The following OSBPL7 variants were observed in gnomAD, a reference collection of about 807,000 sequenced individuals.
OSBPL7 encodes the protein oxysterol-binding protein-related protein 7.
In OSBPL7, 66 loss-of-function variants were observed where a neutral mutation model predicts 115.8. The observed-to-expected ratio is 0.57, with a 90% confidence interval of 0.47 to 0.70. The LOEUF is 0.70. Ranked by LOEUF, OSBPL7 falls within the 30% of genes least tolerant of loss-of-function variation. The probability of loss-of-function intolerance (pLI) is 0.00; values close to 1 mark genes in which losing one functional copy is unlikely to be tolerated. For synonymous variants in OSBPL7, 441 were observed against 439.2 expected (o/e 1.00, Z -0.05); for missense variants, 902 against 1,125.5 (o/e 0.80, Z 2.84).
At chr17:47,818,903 G>T in intron 5 of OSBPL7, 83 bp downstream of exon 5, 4 of 1,236,056 alleles carry the variant, frequency 3.2e-6, no homozygotes, top group Non-Finnish European at 4.7e-6. Context: ...GAGTTCCACA[G>T]ACCCTCAGCC....
chr17:47,815,410 G>T, intron 12 of OSBPL7, 58 bp from the exon 13 acceptor site: 1 of 1,601,612 alleles, frequency 6.2e-7, no homozygotes. Context: ...GGATCAAGCA[G>T]GGCACCCGCT....
Position 47,816,336 on chromosome 17 carries a change from C to T in OSBPL7, c.1023+52G>A. 2 of 1,487,664 alleles carry T rather than the reference C, an allele frequency of 1.3e-6. No individual in the cohort carries two copies. Among genetic ancestry groups the T allele is most frequent in the Admixed American group, 2.3e-5 (1 of 44,382 alleles). The allele number at this position is 1,487,664 out of a possible 1,614,324, so 92.2% of individuals were successfully genotyped here. A position where few individuals can be genotyped will look rare whatever the true frequency, so the allele number is the denominator to read the frequency against. ...GCTATCGGACCCCAGGCTGGCAGTC[C>T]TCAGCTTGAAGCCCTCTCCCCGCAC... On this transcript the variant is annotated intron_variant, in intron 11 of 22. Transcript: ENST00000007414. The surrounding 1 kb of genome is among the most constrained non-coding windows in gnomAD (Gnocchi z 5.8).
rs779996064 is a variant in OSBPL7 at position 47,816,876 on chromosome 17, G to A, written c.703-4C>T. The A allele has an allele frequency of 2.5e-6, 4 of 1,613,692 alleles. No individual in the cohort carries two copies. The highest frequency in any genetic ancestry group is 1.7e-5 in the Admixed American group (1 of 59,998). ...GTCTTTCGGTTGTCACTGAGGCCTG[G>A]CAAGTCAAGGTGGGGGCAATTTTAC... is the stretch of plus-strand genomic sequence containing the variant. On this transcript the variant is annotated splice_polypyrimidine_tract_variant and splice_region_variant and intron_variant, in intron 8 of 22. Coordinates refer to ENST00000007414, the MANE Select transcript of OSBPL7 (RefSeq NM_145798.3). The surrounding 1 kb of genome is among the most constrained non-coding windows in gnomAD (Gnocchi z 5.8).
At chr17:47,815,194 C>A in intron 13 of OSBPL7, 21 bp downstream of exon 13, 1 of 1,602,164 alleles carries the variant, frequency 6.2e-7, no homozygotes, top group South Asian at 1.1e-5. Flanking sequence ...CGCCTCACTG[C>A]CAGCTTCTCT....
rs2033220955 is a variant in OSBPL7, at chr17:47,816,475, G to C, written c.936C>G (p.Ser312Arg). 6.5e-7 allele frequency: 1 copy of C among 1,545,682 alleles called. No individual in the cohort carries two copies. Among genetic ancestry groups the C allele is most frequent in the Non-Finnish European group, 8.7e-7 (1 of 1,144,534 alleles). The change falls in exon 11 of 23, where the codon AGC (serine) becomes AGG (arginine). Residue 312 changes from serine (S) to arginine (R), a missense_variant. Ser to Arg is a moderately radical substitution (Grantham distance 110). Around this residue, in one of 3 missense-constraint regions of OSBPL7, gnomAD observed 667 missense variants for 788.7 expected, o/e 0.85. Coordinates refer to ENST00000007414, the MANE Select transcript of OSBPL7 (RefSeq NM_145798.3). The surrounding 1 kb of genome is among the most constrained non-coding windows in gnomAD (Gnocchi z 5.8). ...SFWALAQKVH[S>R]SLSSVLAALT... The stretch of plus-strand genomic sequence containing the variant: ...GGGCGGCCAGGACGCTGCTGAGGGA[G>C]CTGTGCACTACAGGGAGTGGGGCAG...
chr17:47,809,168 C>T lies in OSBPL7; in HGVS notation c.2078G>A (p.Arg693Gln), dbSNP rs1476368982. ...GAGTCGGTGGAGGACACGGCCACTC[C>T]GACTGAGCACAGCGCCCTGCACCTC... The part of the protein sequence containing the change: ...VHEVQGAVLS[R>Q]SGRVLHRLFG... Residue 693 changes from arginine (R) to glutamine (Q), a missense_variant, in exon 20 of 23, where the codon CGG becomes CAG. This residue lies in a region of OSBPL7 where 230 missense variants were observed against 312.7 expected (regional missense o/e 0.74). Coordinates refer to ENST00000007414, the MANE Select transcript of OSBPL7 (RefSeq NM_145798.3). The T allele has an allele frequency of 3.7e-6, 6 of 1,614,182 alleles. No individual in the cohort carries two copies. The highest frequency in any genetic ancestry group is 5.1e-6 in the Non-Finnish European group (6 of 1,180,038).
At position 47,810,653 on chromosome 17, in the gene OSBPL7, C is replaced by G. The variant is rs905613355; in HGVS notation, c.1821G>C (p.Lys607Asn). 1 of 1,614,222 alleles carries G rather than the reference C, an allele frequency of 6.2e-7. No homozygotes were observed. The highest frequency in any genetic ancestry group is 1.7e-5 in the Admixed American group (1 of 60,026). ...CAATCTCCAGGGATTTGCCCCAGAA[C>G]TTGTTCTTCCACTTCATATCTGGAA... is the stretch of plus-strand genomic sequence containing the variant. ...AFWQDMKWKN[K>N]FWGKSLEIVP... is the part of the protein sequence containing the mutation. Residue 607 changes from lysine (K) to asparagine (N), a missense_variant, in exon 18 of 23, where the codon AAG becomes AAC. By Grantham distance (94) the Lys-to-Asn change is moderately conservative. Around this residue, in one of 3 missense-constraint regions of OSBPL7, gnomAD observed 230 missense variants for 312.7 expected, o/e 0.74. Coordinates refer to ENST00000007414, the MANE Select transcript of OSBPL7 (RefSeq NM_145798.3).
At chr17:47,811,974 T>C (rs2033056469) in intron 16 of OSBPL7, among the ~76,000 whole-genome samples, 1 of 152,214 alleles carries the variant, frequency 6.6e-6, no homozygotes, top group South Asian at 2.1e-4. Flanking sequence ...GGGAGGCTTA[T>C]TTTCTGTTGT....
Position 47,816,190 on chromosome 17 carries a change from A to C in OSBPL7, c.1036T>G (p.Ser346Ala). 1 of 1,550,204 alleles carries C rather than the reference A, an allele frequency of 6.5e-7. No individual in the cohort carries two copies. The highest frequency in any genetic ancestry group is 2.4e-5 in the East Asian group (1 of 40,900). The change falls in exon 12 of 23, where the codon TCC (serine) becomes GCC (alanine). Residue 346 changes from serine to alanine, a missense_variant. Physicochemically the swap from Ser to Ala is moderately conservative, Grantham distance 99. Transcript: ENST00000007414. This position sits in a 1 kb window ranked among gnomAD's most constrained non-coding sequence, Gnocchi z 5.8. ...GAGTGGAGGCGCCTCTGGCCAGTGG[A>C]GGCCTCAGAGACCTGCAGGGAGAGG... ...ELSRMGVSEA[S>A]TGQRRLHSLS...
Position 47,813,795 on chromosome 17 carries a change from C to T in OSBPL7, c.1391G>A (p.Arg464His), listed in dbSNP as rs1440155404. 3.1e-6 allele frequency: 5 copies of T among 1,612,182 alleles called. No individual in the cohort carries two copies. The highest frequency in any genetic ancestry group is 1.3e-5 in the African/African-American group (1 of 74,890). The stretch of plus-strand genomic sequence containing the variant: ...CCCGCTGGCCGCCGGCAGGCAGCGA[C>T]GGCGGGGTGGCCCCATGGGTCTCCC... ...VPGRPMGPPRRRCLPAASGPG... is the reference protein window; with the variant it reads ...VPGRPMGPPRHRCLPAASGPG... The change falls in exon 15 of 23, where the codon CGT becomes CAT. Residue 464 changes from arginine to histidine, a missense_variant. Physicochemically the swap from Arg to His is conservative, Grantham distance 29. Transcript: ENST00000007414.
Position 47,816,763 on chromosome 17 carries a change from T to G in OSBPL7, c.795+17A>C. 1 of 1,613,986 alleles carries G rather than the reference T, an allele frequency of 6.2e-7. No homozygotes were observed. The highest frequency in any genetic ancestry group is 8.5e-7 in the Non-Finnish European group (1 of 1,179,980). On this transcript the variant is annotated intron_variant, in intron 9 of 22. Transcript: ENST00000007414. This position sits in a 1 kb window ranked among gnomAD's most constrained non-coding sequence, Gnocchi z 5.8. ...AGCATCCTGCCCCAGCTACGTGAGG[T>G]GCATGCCCGACCTCACCCGTCCAAT...
chr17:47,820,098 T>G lies in OSBPL7; in HGVS notation c.76-2A>C, dbSNP rs1323152682. 1.2e-6 allele frequency: 2 copies of G among 1,612,670 alleles called. No homozygotes were observed. Among genetic ancestry groups the G allele is most frequent in the Non-Finnish European group, 8.5e-7 (1 of 1,179,894 alleles). On this transcript the variant is annotated splice_acceptor_variant, in intron 2 of 22. Transcript: ENST00000007414. LOFTEE classifies it high-confidence loss of function. ...CACCACCTCCCACAGCTCAGAGGCC[T>G]GCAGTCCAGGACAGAGGGAGGGGAG...
intron 12 of OSBPL7, 135 bp downstream of exon 12, chr17:47,815,972 A>G: frequency 5.9e-6 from 4 of 675,322 alleles, no homozygotes; most frequent in Non-Finnish European, 1.0e-5. Context: ...ACCTTATGGG[A>G]AAGACAATGG....
Position 47,810,845 on chromosome 17 carries a change from C to A in OSBPL7, c.1738-10G>T, listed in dbSNP as rs1323662337. The A allele has an allele frequency of 3.7e-6, 6 of 1,612,726 alleles. No homozygotes were observed. Among genetic ancestry groups the A allele is most frequent in the Non-Finnish European group, 5.1e-6 (6 of 1,179,668 alleles). On this transcript the variant is annotated splice_polypyrimidine_tract_variant and intron_variant, in intron 16 of 22. Transcript: ENST00000007414. ...GGGGGTGGTGGGAGACCTTGGTGAG[C>A]AAAGAAGTTATCTTGAGGCTGTCCC...
At chr17:47,818,176 C>T in intron 7 of OSBPL7, 93 bp downstream of exon 7, 1 of 1,101,408 alleles carries the variant, frequency 9.1e-7, no homozygotes. Context: ...TAAACTGGGG[C>T]TCCCTGAGGC....
Position 47,808,365 on chromosome 17 carries a change from C to T in OSBPL7, c.2455G>A (p.Val819Met). ...QTDSSGKEWW[V>M]TNNTYWRLRA... ...AGCCTCCAGTAGGTATTGTTGGTCA[C>T]CCACCACTCTTTCCCGCTGCTATCC... Residue 819 changes from valine to methionine, a missense_variant, in exon 23 of 23, where the codon GTG (valine) becomes ATG (methionine). Val to Met is a conservative substitution (Grantham distance 21). Transcript: ENST00000007414. The surrounding 1 kb of genome is among the most constrained non-coding windows in gnomAD (Gnocchi z 6.1). 1 of 1,613,942 alleles carries T rather than the reference C, an allele frequency of 6.2e-7. No individual in the cohort carries two copies. Among genetic ancestry groups the T allele is most frequent in the Non-Finnish European group, 8.5e-7 (1 of 1,179,916 alleles).
In OSBPL7 at chr17:47,818,770, C is replaced by T. The variant is rs558085848; in HGVS notation, c.370-154G>A. Among the ~76,000 whole-genome samples, 13 of 152,394 alleles carry T rather than the reference C, an allele frequency of 8.5e-5. No individual in the cohort carries two copies. In the South Asian group the frequency reaches 2.1e-3, roughly 24 times the overall value. On this transcript the variant is annotated intron_variant, in intron 5 of 22. Transcript: ENST00000007414. ...ACTTGCAGGGAGACAGAGCGCAAGG[C>T]GCCCAGGTGTCTGAGCCCTTAGCTC...
chr17:47,818,560 T>C lies in OSBPL7; in HGVS notation c.426A>G (p.Leu142=). 6.2e-7 allele frequency: 1 copy of C among 1,612,316 alleles called. No individual in the cohort carries two copies. Among genetic ancestry groups the C allele is most frequent in the Non-Finnish European group, 8.5e-7 (1 of 1,179,200 alleles). The change falls in exon 6 of 23, where the codon CTA becomes CTG. Residue 142 remains leucine (L), a synonymous_variant. Transcript: ENST00000007414. ...SWVAQLRAHR[L]AHRLDMPRGS... is the part of the protein sequence containing the mutation. ...CACGGGGCATGTCCAGGCGGTGGGC[T>C]AGGCGGTGGGCACGCAGCTGCGCCA...
Position 47,813,406 on chromosome 17 carries a change from G to A in OSBPL7, c.1600-3C>T. On this transcript the variant is annotated splice_region_variant and splice_polypyrimidine_tract_variant and intron_variant, in intron 15 of 22. Transcript: ENST00000007414. ...ACAGCAAAGGCTGCGATGTACACCT[G>A]TGGGGGGCAAGGAAGGTGCAGGGTA... 6 of 1,613,864 alleles carry A rather than the reference G, an allele frequency of 3.7e-6. No homozygotes were observed. Among genetic ancestry groups the A allele is most frequent in the South Asian group, 1.1e-5 (1 of 91,078 alleles).
Sources: allele counts gnomAD v4.1 joint callset (sites outside exome capture counted in the v4.1 genomes callset), GRCh38; gene constraint gnomAD v4.1.1; regional missense constraint gnomAD v4.1.1; non-coding constraint Gnocchi (gnomAD v3.1); transcripts MANE v1.5; gene names NCBI Gene and HGNC (gene_info 2026-07-23, HGNC 2026-07-21).